The following LNX2 variants were observed in gnomAD, a reference collection of about 807,000 sequenced individuals.
LNX2 encodes the protein ligand of numb-protein X 2, also known as ligand of Numb protein X 2.
Under a neutral mutation model 66.2 loss-of-function variants are expected in LNX2, and 35 were observed. The ratio of observed to expected loss-of-function variants is 0.53; its 90% CI spans 0.40 to 0.70. LNX2 has a LOEUF of 0.70. Among genes scored for constraint, LNX2 ranks in the 30% least tolerant of loss-of-function variants. LNX2 has a pLI of 0.00. For synonymous variants in LNX2, 337 were observed against 315.6 expected (o/e 1.07, Z -0.72); for missense variants, 791 against 850.8 (o/e 0.93, Z 0.87).
chr13:27,562,765 A>C lies in LNX2; in HGVS notation c.872T>G (p.Ile291Ser). ...GGCATAGTTATGGGACACATTGCTGATATTGTAGTTGTTGACCTAGAAAAA... is the reference window on the plus strand; with the variant it reads ...GGCATAGTTATGGGACACATTGCTGCTATTGTAGTTGTTGACCTAGAAAAA... ...DQILQVNNYN[I>S]SNVSHNYARA... Residue 291 changes from isoleucine to serine, a missense_variant, in exon 5 of 10, where the codon ATC (isoleucine) becomes AGC (serine). Transcript: ENST00000316334. 6.2e-7 allele frequency: 1 copy of C among 1,605,156 alleles called. No individual in the cohort carries two copies. The highest frequency in any genetic ancestry group is 8.5e-7 in the Non-Finnish European group (1 of 1,174,272).
intron 5 of LNX2, among the ~76,000 whole-genome samples, chr13:27,560,385 A>G (rs1457861243): frequency 6.6e-6 from 1 of 152,082 alleles, no homozygotes; most frequent in African/African-American, 2.4e-5. Flanking sequence ...AACTTGATTA[A>G]AGTCCATTGT....
Position 27,601,920 on chromosome 13 carries a change from C to A in LNX2, c.-101+18455G>T, listed in dbSNP as rs184420892. On this transcript the variant is annotated intron_variant, in intron 1 of 9. Coordinates refer to ENST00000316334, the MANE Select transcript of LNX2 (RefSeq NM_153371.4). ...AAGTTCAACATTTTCAGGGTAAACA[C>A]TTGTACTTTACAAGTCTACCATTAA... Among the ~76,000 whole-genome samples, 484 of 152,242 alleles carry A rather than the reference C, an allele frequency of 3.2e-3. 5 individuals are homozygous for A. The highest frequency in any genetic ancestry group is 3.7e-3 in the Non-Finnish European group (250 of 68,028).
rs767375741 is a variant in LNX2, at chr13:27,548,344, G to T, written c.2064C>A (p.Ser688Arg). 1 of 1,611,962 alleles carries T rather than the reference G, an allele frequency of 6.2e-7. No individual in the cohort carries two copies. ...AACCAATTTCCAAAATCTATACAAGGCTGCCAGGCCAACAAATAACGGTCA... is the reference window on the plus strand; with the variant it reads ...AACCAATTTCCAAAATCTATACAAGTCTGCCAGGCCAACAAATAACGGTCA... ...VTLTVICWPG[S>R]LV The change falls in exon 10 of 10, where the codon AGC (serine) becomes AGA (arginine). Residue 688 changes from serine (S) to arginine (R), a missense_variant. Ser to Arg is a moderately radical substitution (Grantham distance 110). Transcript: ENST00000316334.
chr13:27,579,320 T>C (rs897688930), intron 2 of LNX2, among the ~76,000 whole-genome samples: 1 of 152,218 alleles, frequency 6.6e-6, no homozygotes, highest in Non-Finnish European at 1.5e-5. Flanking sequence ...TTTTTACATT[T>C]ATATACTCAG....
intron 1 of LNX2, among the ~76,000 whole-genome samples, chr13:27,584,131 C>T (rs534518921): frequency 6.6e-6 from 1 of 152,180 alleles, no homozygotes; most frequent in South Asian, 2.1e-4. Context: ...GCGTGCCTGC[C>T]ACAAGAACCT....
At chr13:27,589,856 A>C (rs917751623) in intron 1 of LNX2, among the ~76,000 whole-genome samples, 1 of 152,258 alleles carries the variant, frequency 6.6e-6, no homozygotes, top group African/African-American at 2.4e-5. Flanking sequence ...ACCGCTGTGG[A>C]AAGAACTTTG....
chr13:27,617,553 T>C (rs1404463561), intron 1 of LNX2, among the ~76,000 whole-genome samples: 1 of 152,206 alleles, frequency 6.6e-6, no homozygotes, highest in Non-Finnish European at 1.5e-5. Flanking sequence ...TCCTCCTTTC[T>C]TTGATGGTGG....
At position 27,587,352 on chromosome 13, in the gene LNX2, G is replaced by A. The variant is rs572492315; in HGVS notation, c.-100-5549C>T. ...TTTTCCCTTCAGCAATTCCTACAGT[G>A]CATGTTTGCTCATCTGCCTCCCCTC... On this transcript the variant is annotated intron_variant, in intron 1 of 9. Transcript: ENST00000316334. 3.3e-5 allele frequency among the ~76,000 whole-genome samples: 5 copies of A among 152,008 alleles called. No homozygotes were observed. The South Asian group carries it at 8.3e-4, about 25-fold the overall frequency.
chr13:27,617,465 T>C (rs144837732), intron 1 of LNX2, among the ~76,000 whole-genome samples: 28 of 152,264 alleles, frequency 1.8e-4, no homozygotes, highest in African/African-American at 6.5e-4. Flanking sequence ...AATTTAAAGA[T>C]ATCGGGTGGC....
At chr13:27,606,897 A>G (rs1211957397) in intron 1 of LNX2, among the ~76,000 whole-genome samples, 1 of 152,236 alleles carries the variant, frequency 6.6e-6, no homozygotes, top group African/African-American at 2.4e-5. Flanking sequence ...AAAGTACAGA[A>G]ACAAGATCTT....
intron 1 of LNX2, among the ~76,000 whole-genome samples, chr13:27,606,821 C>T (rs1356296659): frequency 6.6e-6 from 1 of 151,890 alleles, no homozygotes; most frequent in Non-Finnish European, 1.5e-5. Context: ...GGAGCATGCA[C>T]AAAAAGAAAT....
chr13:27,575,434 T>C (rs1333018635), intron 2 of LNX2, among the ~76,000 whole-genome samples: 8 of 152,208 alleles, frequency 5.3e-5, no homozygotes, highest in Admixed American at 2.6e-4. Context: ...AAGTATAAAG[T>C]AGATTGCCCT....
At chr13:27,561,978 C>T (rs1024673355) in intron 5 of LNX2, among the ~76,000 whole-genome samples, 4 of 152,222 alleles carry the variant, frequency 2.6e-5, no homozygotes, top group African/African-American at 9.6e-5. Context: ...CAACAAAGCA[C>T]TATAGAGATA....
chr13:27,574,513 G>C (rs1028130560), intron 2 of LNX2, among the ~76,000 whole-genome samples: 1 of 151,128 alleles, frequency 6.6e-6, no homozygotes, highest in African/African-American at 2.4e-5. Flanking sequence ...AGATCATCCA[G>C]TCTGAGGAAC....
At chr13:27,568,211 A>G (rs1955229741) in intron 3 of LNX2, among the ~76,000 whole-genome samples, 1 of 152,250 alleles carries the variant, frequency 6.6e-6, no homozygotes, top group South Asian at 2.1e-4. Flanking sequence ...TCTGTGGCAT[A>G]GAAACAGCAC....
At chr13:27,559,727 A>T (rs905120409) in intron 6 of LNX2, 115 bp downstream of exon 6, 49 of 1,033,384 alleles carry the variant, frequency 4.7e-5, no homozygotes, top group African/African-American at 2.6e-4. Context: ...TCTTTTTTTT[A>T]AAAAAACTGC....
At chr13:27,567,520 T>C (rs1955221288) in intron 4 of LNX2, 120 bp downstream of exon 4, 14 of 755,930 alleles carry the variant, frequency 1.9e-5, no homozygotes, top group South Asian at 1.7e-4. Flanking sequence ...GTTTTGCATA[T>C]AGAAACAGTA....
rs530344100 is a variant in LNX2, at chr13:27,579,753, T to A, written c.407+1544A>T. On this transcript the variant is annotated intron_variant, in intron 2 of 9. Transcript: ENST00000316334. Reference sequence around the variant, plus strand: ...ATGTTTAGAAAAGAAGCCTATACACTGAAAAGAACAGTTCTACTGAAAGAA... The same window carrying A: ...ATGTTTAGAAAAGAAGCCTATACACAGAAAAGAACAGTTCTACTGAAAGAA... 7.9e-5 allele frequency among the ~76,000 whole-genome samples: 12 copies of A among 152,306 alleles called. No individual in the cohort carries two copies. The South Asian group carries it at 2.5e-3, about 32-fold the overall frequency.
upstream of LNX2, chr13:27,620,858 A>C (rs933071586): frequency 2.0e-5 from 3 of 152,700 alleles, no homozygotes; most frequent in Non-Finnish European, 4.4e-5. Context: ...GGCCGCCGCC[A>C]AGAGTGGCAC....
Sources: allele counts gnomAD v4.1 joint callset (sites outside exome capture counted in the v4.1 genomes callset), GRCh38; gene constraint gnomAD v4.1.1; transcripts MANE v1.5; gene names NCBI Gene and HGNC (gene_info 2026-07-23, HGNC 2026-07-21).